The following EPB41L5 variants were observed in gnomAD, a reference collection of about 807,000 sequenced individuals.
The protein encoded by EPB41L5 is erythrocyte membrane protein band 4.1 like 5, also known as band 4.1-like protein 5.
A neutral mutation model predicts 106.6 loss-of-function variants in EPB41L5; 55 were observed. The observed-to-expected ratio is 0.52, with a 90% CI of 0.42 to 0.65. EPB41L5 has a LOEUF of 0.65. Among genes scored for constraint, EPB41L5 ranks in the 30% least tolerant of loss-of-function variants. EPB41L5 has a pLI of 0.00. For synonymous variants in EPB41L5, 297 were observed against 306.7 expected (o/e 0.97, Z 0.33); for missense variants, 871 against 882.1 (o/e 0.99, Z 0.16).
At chr2:120,031,186 G>C (rs1440401878) in intron 2 of EPB41L5, among the ~76,000 whole-genome samples, 1 of 152,192 alleles carries the variant, frequency 6.6e-6, no homozygotes, top group Non-Finnish European at 1.5e-5. Flanking sequence ...CCAATTATCA[G>C]TAAAAGCTCT....
chr2:120,147,118 C>T (rs1686437927), intron 20 of EPB41L5, among the ~76,000 whole-genome samples: 1 of 152,120 alleles, frequency 6.6e-6, no homozygotes, highest in Non-Finnish European at 1.5e-5. Context: ...GAGGTCAAGG[C>T]AGGAGGATCA....
chr2:120,098,682 G>T (rs1418161603), intron 14 of EPB41L5, among the ~76,000 whole-genome samples: 1 of 152,166 alleles, frequency 6.6e-6, no homozygotes, highest in Non-Finnish European at 1.5e-5. Context: ...CAGTGATAGT[G>T]CAAGTTATAG....
intron 20 of EPB41L5, among the ~76,000 whole-genome samples, chr2:120,150,022 AG>A (rs1686597064): frequency 1.3e-5 from 2 of 151,336 alleles, no homozygotes; most frequent in Admixed American, 6.6e-5. Flanking sequence ...CTTCCTTAGT[AG>A]CAGGGACTAC....
intron 14 of EPB41L5, among the ~76,000 whole-genome samples, chr2:120,099,399 G>C (rs960601121): frequency 6.7e-6 from 1 of 150,260 alleles, no homozygotes; most frequent in African/African-American, 2.4e-5. Context: ...TTGTGGGAAT[G>C]GCGGGGTGGG....
chr2:120,155,031 T>G (rs996201711), intron 20 of EPB41L5, among the ~76,000 whole-genome samples: 2 of 152,226 alleles, frequency 1.3e-5, no homozygotes, highest in African/African-American at 4.8e-5. Flanking sequence ...AAAAGAGAAG[T>G]TATACCCAAA....
intron 16 of EPB41L5, among the ~76,000 whole-genome samples, chr2:120,109,146 C>T (rs898465345): frequency 6.6e-6 from 1 of 152,042 alleles, no homozygotes; most frequent in Admixed American, 6.6e-5. Flanking sequence ...ATTTCTTGAC[C>T]CTCTTCCTGT....
intron 16 of EPB41L5, among the ~76,000 whole-genome samples, chr2:120,117,936 CTG>C (rs777108715): frequency 7.2e-5 from 11 of 152,192 alleles, no homozygotes; most frequent in Middle Eastern, 3.4e-3. Flanking sequence ...GATATTAACT[CTG>C]TGTATTTAAG....
chr2:120,020,115 A>C (rs1677822326), intron 2 of EPB41L5, among the ~76,000 whole-genome samples: 1 of 152,172 alleles, frequency 6.6e-6, no homozygotes, highest in South Asian at 2.1e-4. Context: ...TCTGCATTCA[A>C]AGACTTAACG....
In EPB41L5 at chr2:120,175,260, T is replaced by C. The variant is rs1687880285; in HGVS notation, c.*353T>C. ...AACTTCATAACAAGCCTGCCTCTGG[T>C]AGTCAACAGCCTTTTGAAAGCTATT... On this transcript the variant is annotated 3_prime_UTR_variant, in exon 25 of 25. Coordinates refer to ENST00000263713, the MANE Select transcript of EPB41L5 (RefSeq NM_020909.4). The C allele has an allele frequency of 4.5e-6, 1 of 221,394 alleles. No individual in the cohort carries two copies. The highest frequency in any genetic ancestry group is 9.4e-6 in the Non-Finnish European group (1 of 106,724). The allele number at this position is 221,394 out of a possible 1,614,324, so 13.7% of individuals were successfully genotyped here. A position where few individuals can be genotyped will look rare whatever the true frequency, so the allele number is the denominator to read the frequency against.
chr2:120,143,062 GAAT>G lies in EPB41L5; in HGVS notation c.1660_1662del (p.Asn554del). 1 of 1,612,546 alleles carries G rather than the reference GAAT, an allele frequency of 6.2e-7. No homozygotes were observed. Among genetic ancestry groups the G allele is most frequent in the South Asian group, 1.1e-5 (1 of 90,866 alleles). ...ATAATGTCATTGAGAGCCCAGGATT[GAAT>G]GTCATGAGAGTTCCTCCTGACTTCA... On this transcript the variant is annotated inframe_deletion, in exon 19 of 25. Coordinates refer to ENST00000263713, the MANE Select transcript of EPB41L5 (RefSeq NM_020909.4).
chr2:120,055,144 T>TGAGC (rs1337679981), intron 3 of EPB41L5, among the ~76,000 whole-genome samples: 2 of 152,100 alleles, frequency 1.3e-5, no homozygotes, highest in African/African-American at 4.8e-5. Flanking sequence ...ATTATAGGCG[T>TGAGC]GAGCCACCAT....
At chr2:120,126,086 T>C (rs1421728474) in intron 16 of EPB41L5, among the ~76,000 whole-genome samples, 1 of 152,186 alleles carries the variant, frequency 6.6e-6, no homozygotes, top group Non-Finnish European at 1.5e-5. Context: ...ATTAGCTGCC[T>C]ACCCTACTGT....
chr2:120,058,890 T>C (rs1465764733), intron 3 of EPB41L5, among the ~76,000 whole-genome samples: 3 of 152,222 alleles, frequency 2.0e-5, no homozygotes, highest in Non-Finnish European at 2.9e-5. Context: ...CAAATTGATA[T>C]ACAGGTTTAA....
At chr2:120,051,046 T>G (rs1680235535) in intron 3 of EPB41L5, among the ~76,000 whole-genome samples, 1 of 152,204 alleles carries the variant, frequency 6.6e-6, no homozygotes, top group South Asian at 2.1e-4. Flanking sequence ...TACCCAGCCT[T>G]GTGAGGTGTC....
chr2:120,094,963 A>G (rs1024967183), intron 14 of EPB41L5, among the ~76,000 whole-genome samples: 1 of 152,186 alleles, frequency 6.6e-6, no homozygotes, highest in Non-Finnish European at 1.5e-5. Flanking sequence ...TGGCCCCTCC[A>G]TATGAGTCAC....
chr2:120,169,813 CA>C (rs1475561128), intron 24 of EPB41L5, among the ~76,000 whole-genome samples: 1 of 152,192 alleles, frequency 6.6e-6, no homozygotes, highest in East Asian at 1.9e-4. Context: ...AGACAGTGTG[CA>C]ACTTGATTAG....
intron 20 of EPB41L5, among the ~76,000 whole-genome samples, chr2:120,149,369 C>T (rs1007402935): frequency 1.3e-5 from 2 of 152,166 alleles, no homozygotes; most frequent in African/African-American, 4.8e-5. Flanking sequence ...TGCTCTTTAA[C>T]TGTAACCCCA....
At chr2:120,057,858 G>C (rs1442977386) in intron 3 of EPB41L5, among the ~76,000 whole-genome samples, 1 of 151,976 alleles carries the variant, frequency 6.6e-6, no homozygotes, top group African/African-American at 2.4e-5. Flanking sequence ...TTGTATACAG[G>C]ACTTTCCACA....
intron 3 of EPB41L5, among the ~76,000 whole-genome samples, chr2:120,049,802 C>T (rs559326425): frequency 9.4e-4 from 143 of 152,164 alleles, no homozygotes; most frequent in African/African-American, 3.1e-3. Context: ...TGGCTGGTAC[C>T]AGTTGTTCCT....
Sources: allele counts gnomAD v4.1 joint callset (sites outside exome capture counted in the v4.1 genomes callset), GRCh38; gene constraint gnomAD v4.1.1; transcripts MANE v1.5; gene names NCBI Gene and HGNC (gene_info 2026-07-23, HGNC 2026-07-21).